NAALADL2: variants seen among roughly 807,000 people sequenced by gnomAD.
NAALADL2 encodes N-acetylated alpha-linked acidic dipeptidase like 2, also known as inactive N-acetylated-alpha-linked acidic dipeptidase-like protein 2.
A neutral mutation model predicts 87.2 loss-of-function variants in NAALADL2; 76 were observed. The observed-to-expected ratio is 0.87, with a 90% CI of 0.72 to 1.05. The LOEUF is 1.05. Among genes scored for constraint, NAALADL2 ranks in the 50% least tolerant of loss-of-function variants. The probability of loss-of-function intolerance (pLI) is 0.00; values close to 1 mark genes in which losing one functional copy is unlikely to be tolerated. For synonymous variants in NAALADL2, 354 were observed against 331.0 expected (o/e 1.07, Z -0.75); for missense variants, 1,089 against 945.8 (o/e 1.15, Z -1.99).
At chr3:175,076,256 AG>A (rs2109193260) in intron 1 of NAALADL2, among the ~76,000 whole-genome samples, 1 of 152,208 alleles carries the variant, frequency 6.6e-6, no homozygotes, top group African/African-American at 2.4e-5. Context: ...AAATGTCATA[AG>A]AAAAGATTAG....
intron 10 of NAALADL2, among the ~76,000 whole-genome samples, chr3:175,603,030 G>T (rs540166137): frequency 5.1e-4 from 78 of 151,936 alleles, no homozygotes; most frequent in African/African-American, 1.8e-3. Flanking sequence ...ATGTGTCTTT[G>T]TATGTTACCC....
chr3:174,457,822 A>C (rs565172921), intron 1 of NAALADL2, among the ~76,000 whole-genome samples: 55 of 152,224 alleles, frequency 3.6e-4, no homozygotes, highest in East Asian at 7.7e-4. Flanking sequence ...AAAAAACAAA[A>C]AAAAAAAGAG....
intron 11 of NAALADL2, among the ~76,000 whole-genome samples, chr3:175,678,434 T>C (rs541025817): frequency 4.9e-4 from 75 of 152,184 alleles, no homozygotes; most frequent in Non-Finnish European, 9.0e-4. Flanking sequence ...CGTATGTTTA[T>C]TGTGGCACTA....
chr3:175,542,147 T>C (rs2149471347), intron 9 of NAALADL2, among the ~76,000 whole-genome samples: 1 of 152,308 alleles, frequency 6.6e-6, no homozygotes, highest in East Asian at 1.9e-4. Context: ...GTAATGGCTT[T>C]GAATGAAAAT....
At chr3:174,476,742 C>A (rs922447043) in intron 1 of NAALADL2, among the ~76,000 whole-genome samples, 1 of 151,922 alleles carries the variant, frequency 6.6e-6, no homozygotes, top group Non-Finnish European at 1.5e-5. Context: ...CCTACCTACC[C>A]GTCAGTGTCG....
intron 1 of NAALADL2, among the ~76,000 whole-genome samples, chr3:174,501,404 T>TA (rs1171108390): frequency 6.6e-6 from 1 of 152,066 alleles, no homozygotes; most frequent in African/African-American, 2.4e-5. Flanking sequence ...AAGATAGTAG[T>TA]AGGTTAATGC....
intron 2 of NAALADL2, among the ~76,000 whole-genome samples, chr3:174,577,865 A>ATAGAAGGACTTAAAGAAAAACGG (rs1008485463): frequency 1.3e-5 from 2 of 152,092 alleles, no homozygotes; most frequent in African/African-American, 4.8e-5. Context: ...TGCTTTTATT[A>ATAGAAGGACTTAAAGAAAAACGG]TAGAAGGACT....
chr3:174,909,975 C>T (rs1733485990), intron 1 of NAALADL2, among the ~76,000 whole-genome samples: 16 of 151,960 alleles, frequency 1.1e-4, no homozygotes, highest in Admixed American at 1.0e-3. Flanking sequence ...CTTCAAGTGT[C>T]ATATAATTCA....
At chr3:175,335,908 G>A (rs9839958) in intron 5 of NAALADL2, among the ~76,000 whole-genome samples, 7,125 of 152,190 alleles carry the variant, frequency 0.047, 547 homozygotes, top group African/African-American at 0.16. Context: ...TGAGGCTTTG[G>A]TCGCTCTTTT....
At chr3:175,284,881 C>G (rs576326871) in intron 4 of NAALADL2, among the ~76,000 whole-genome samples, 3 of 151,928 alleles carry the variant, frequency 2.0e-5, no homozygotes, top group African/African-American at 7.3e-5. Context: ...CATCTTCATT[C>G]CTGGCTGCCA....
intron 2 of NAALADL2, among the ~76,000 whole-genome samples, chr3:174,576,674 G>A (rs1346253191): frequency 6.6e-6 from 1 of 152,142 alleles, no homozygotes; most frequent in Non-Finnish European, 1.5e-5. Context: ...AGGGAACACA[G>A]CCATTCTGTG....
chr3:175,262,623 A>G (rs1176207294), intron 4 of NAALADL2, among the ~76,000 whole-genome samples: 1 of 147,574 alleles, frequency 6.8e-6, no homozygotes, highest in African/African-American at 2.5e-5. Context: ...AGCTGTATGT[A>G]TGAGCACTGA....
chr3:174,568,062 G>GCAGAAGAATACTTAAAA (rs1714495094), intron 2 of NAALADL2, among the ~76,000 whole-genome samples: 1 of 151,738 alleles, frequency 6.6e-6, no homozygotes, highest in South Asian at 2.1e-4. Flanking sequence ...GTGTCTACCT[G>GCAGAAGAATACTTAAAA]TGAGGATATT....
intron 4 of NAALADL2, among the ~76,000 whole-genome samples, chr3:175,319,339 A>G (rs756755567): frequency 3.4e-5 from 5 of 147,386 alleles, no homozygotes; most frequent in Non-Finnish European, 4.5e-5. Flanking sequence ...CATGCTGTTC[A>G]TTACACCAAA....
Position 175,698,496 on chromosome 3 carries a change from TATATATAA to T in NAALADL2, c.1897-38808_1897-38801del, listed in dbSNP as rs1738493143. ...GTGTATATATATTTATATATATATA[TATATATAA>T]AATCTCCAAGCAAATTCCTATGTAC... On this transcript the variant is annotated intron_variant, in intron 11 of 13. Transcript: ENST00000454872. 1.4e-5 allele frequency among the ~76,000 whole-genome samples: 2 copies of T among 141,906 alleles called. 1 individual carries two copies. The highest frequency in any genetic ancestry group is 1.4e-4 in the Admixed American group (2 of 14,086). 93.1% of individuals were successfully genotyped at this position (141,906 alleles called of 152,430 possible).
chr3:175,518,612 G>A (rs1355469605), intron 9 of NAALADL2, among the ~76,000 whole-genome samples: 1 of 152,218 alleles, frequency 6.6e-6, no homozygotes, highest in African/African-American at 2.4e-5. Context: ...GACTCTCCAA[G>A]TCCCGAGGTG....
At chr3:175,303,469 A>T (rs112972395) in intron 4 of NAALADL2, among the ~76,000 whole-genome samples, 14 of 152,120 alleles carry the variant, frequency 9.2e-5, no homozygotes, top group Non-Finnish European at 1.8e-4. Flanking sequence ...ACCAAAAAAA[A>T]ATTTCCCATA....
At chr3:174,909,900 G>C (rs1405696574) in intron 1 of NAALADL2, among the ~76,000 whole-genome samples, 2 of 151,834 alleles carry the variant, frequency 1.3e-5, no homozygotes, top group African/African-American at 4.8e-5. Context: ...TGTAACATTT[G>C]GTTAATATAT....
intron 2 of NAALADL2, among the ~76,000 whole-genome samples, chr3:175,162,297 C>T (rs879196550): frequency 6.6e-6 from 1 of 152,110 alleles, no homozygotes; most frequent in Admixed American, 6.6e-5. Context: ...GTTGTGTATA[C>T]CTTCCCCCTT....
Sources: gnomAD v4.1 joint callset for allele counts (sites outside exome capture counted in the v4.1 genomes callset) on GRCh38, gnomAD v4.1.1 for gene constraint, MANE v1.5 for transcripts, NCBI Gene and HGNC (gene_info 2026-07-23, HGNC 2026-07-21) for gene names.